Variants in TFDP2 observed in about 807,000 individuals in gnomAD.
TFDP2 encodes transcription factor Dp-2.
In TFDP2, 17 loss-of-function variants were observed where a neutral mutation model predicts 59.3. The observed-to-expected ratio is 0.29, with a 90% confidence interval of 0.20 to 0.43. The LOEUF (loss-of-function observed/expected upper bound fraction) is 0.43. Among genes scored for constraint, TFDP2 ranks in the 20% least tolerant of loss-of-function variants. The pLI, the probability that TFDP2 is intolerant of heterozygous loss-of-function variation, is 1.00. For missense variants in TFDP2, 391 were observed against 528.8 expected, an observed-to-expected ratio of 0.74 and a Z score of 2.56; for synonymous variants, 180 against 194.7, an observed-to-expected ratio of 0.92 and a Z score of 0.63.
intron 6 of TFDP2, chr3:141,989,302 T>C (rs1942484919): frequency 6.6e-6 from 1 of 152,254 alleles, no homozygotes; most frequent in Non-Finnish European, 1.5e-5. Context: ...TAACCACAAC[T>C]TCTCTGGATG....
intron 3 of TFDP2, among the ~76,000 whole-genome samples, chr3:142,046,469 CT>C (rs1947349740): frequency 6.6e-6 from 1 of 152,196 alleles, no homozygotes; most frequent in Admixed American, 6.5e-5. Context: ...AACAAATCCA[CT>C]TCTGCCACTG....
intron 1 of TFDP2, among the ~76,000 whole-genome samples, chr3:142,143,533 A>C (rs1022271969): frequency 6.6e-6 from 1 of 152,350 alleles, no homozygotes; most frequent in East Asian, 1.9e-4. Context: ...AGAATATATA[A>C]AGAGCTCAAG....
At chr3:142,023,122 C>CAAAAAAAAAAAAAAA (rs765096570) in intron 3 of TFDP2, among the ~76,000 whole-genome samples, 3 of 59,604 alleles carry the variant, frequency 5.0e-5, no homozygotes, top group African/African-American at 9.0e-5. Flanking sequence ...CCCTCCGTCT[C>CAAAAAAAAAAAAAAA]AAAAAAAAAA....
chr3:142,015,578 T>C (rs529906102), intron 3 of TFDP2, among the ~76,000 whole-genome samples: 13 of 152,290 alleles, frequency 8.5e-5, no homozygotes, highest in African/African-American at 3.1e-4. Flanking sequence ...CAACCACTTC[T>C]CACCTACTCC....
At chr3:141,960,350 C>T (rs146031519) in intron 10 of TFDP2, among the ~76,000 whole-genome samples, 2,357 of 152,276 alleles carry the variant, frequency 0.015, 26 homozygotes, top group Non-Finnish European at 0.023. Context: ...TCCTGAGAGG[C>T]TAAGGAGTAA....
intron 3 of TFDP2, among the ~76,000 whole-genome samples, chr3:142,061,912 A>T (rs2059927917): frequency 1.3e-5 from 2 of 148,690 alleles, no homozygotes; most frequent in African/African-American, 5.0e-5. Flanking sequence ...ACACACACAC[A>T]CACACACACA....
chr3:141,988,791 C>T (rs2108142908), intron 6 of TFDP2, among the ~76,000 whole-genome samples: 1 of 151,156 alleles, frequency 6.6e-6, no homozygotes, highest in Non-Finnish European at 1.5e-5. Flanking sequence ...GCCTCAGCCT[C>T]CCGAGTAGTT....
chr3:142,123,050 C>T (rs1286350594), intron 1 of TFDP2, among the ~76,000 whole-genome samples: 2 of 151,996 alleles, frequency 1.3e-5, no homozygotes, highest in African/African-American at 4.8e-5. Flanking sequence ...CAACTTTCAC[C>T]TCCCAAGCTC....
chr3:142,088,242 T>C (rs544010497), intron 3 of TFDP2, among the ~76,000 whole-genome samples: 1 of 152,368 alleles, frequency 6.6e-6, no homozygotes, highest in East Asian at 1.9e-4. Context: ...AATCTTTATA[T>C]GTGTCTCACA....
intron 3 of TFDP2, among the ~76,000 whole-genome samples, chr3:142,087,526 G>T (rs1336590685): frequency 2.7e-5 from 4 of 149,348 alleles, no homozygotes; most frequent in African/African-American, 9.8e-5. Flanking sequence ...TTTGAGACAG[G>T]GCCTCACTCT....
intron 1 of TFDP2, among the ~76,000 whole-genome samples, chr3:142,126,657 G>C (rs149673659): frequency 3.7e-4 from 56 of 152,114 alleles, no homozygotes; most frequent in Middle Eastern, 3.4e-3. Flanking sequence ...TGAAATTACA[G>C]TAAAATTGGC....
At chr3:142,079,579 C>T (rs1400055971) in intron 3 of TFDP2, among the ~76,000 whole-genome samples, 1 of 151,994 alleles carries the variant, frequency 6.6e-6, no homozygotes, top group Non-Finnish European at 1.5e-5. Context: ...CAAAGACTAC[C>T]TCAAGGGATT....
chr3:142,065,527 T>C (rs2060048173), intron 3 of TFDP2, among the ~76,000 whole-genome samples: 1 of 151,784 alleles, frequency 6.6e-6, no homozygotes, highest in South Asian at 2.1e-4. Context: ...TGTGTGTGTG[T>C]TTGAGACAGA....
At chr3:142,008,693 A>G (rs1176858668) in intron 3 of TFDP2, among the ~76,000 whole-genome samples, 2 of 152,158 alleles carry the variant, frequency 1.3e-5, no homozygotes, top group South Asian at 2.1e-4. Context: ...ATATACATAC[A>G]TATACGTATG....
At chr3:142,017,186 T>C (rs1005113353) in intron 3 of TFDP2, among the ~76,000 whole-genome samples, 1 of 152,218 alleles carries the variant, frequency 6.6e-6, no homozygotes, top group Non-Finnish European at 1.5e-5. Context: ...TATCTCTATA[T>C]GACACATTAC....
At chr3:142,142,846 T>C (rs888980618) in intron 1 of TFDP2, among the ~76,000 whole-genome samples, 2 of 152,072 alleles carry the variant, frequency 1.3e-5, no homozygotes, top group Admixed American at 6.5e-5. Context: ...GAACACACAC[T>C]GGGGAAAAGA....
chr3:141,962,574 G>T (rs1051669320), intron 10 of TFDP2, among the ~76,000 whole-genome samples: 7 of 152,116 alleles, frequency 4.6e-5, no homozygotes, highest in Admixed American at 1.3e-4. Context: ...GGCCAGGCTG[G>T]TCTCGAACTC....
intron 6 of TFDP2, among the ~76,000 whole-genome samples, chr3:141,979,583 AGT>A (rs1941216188): frequency 6.6e-6 from 1 of 151,990 alleles, no homozygotes; most frequent in South Asian, 2.1e-4. Context: ...GGCCTAGGAT[AGT>A]GTGTCTCAGT....
At position 141,993,551 on chromosome 3, in the gene TFDP2, C is replaced by A; in HGVS notation, c.343G>T (p.Asp115Tyr). 1 of 1,581,744 alleles carries A rather than the reference C, an allele frequency of 6.3e-7. No individual in the cohort carries two copies. The highest frequency in any genetic ancestry group is 8.6e-7 in the Non-Finnish European group (1 of 1,158,912). Residue 115 changes from aspartate to tyrosine, a missense_variant, in exon 6 of 13, where the codon GAT (aspartate) becomes TAT (tyrosine). Transcript: ENST00000489671. ...RKRARKFIDS[D>Y]FSESKRSKKG... ...ACTTATACTCACCTTTCTGAAAAAT[C>A]AGAGTCTATAAATTTTCTAGCCCGT...
Sources: allele counts gnomAD v4.1 joint callset (sites outside exome capture counted in the v4.1 genomes callset), GRCh38; gene constraint gnomAD v4.1.1; transcripts MANE v1.5; gene names NCBI Gene and HGNC (gene_info 2026-07-23, HGNC 2026-07-21).